Variants in CAPZB observed in about 807,000 individuals in gnomAD.
CAPZB encodes the protein capping actin protein of muscle Z-line subunit beta.
Under a neutral mutation model 38.1 loss-of-function variants are expected in CAPZB, and 2 were observed. That is an observed-to-expected ratio of 0.05 (90% CI 0.02 to 0.17). The LOEUF (loss-of-function observed/expected upper bound fraction) is 0.17. Ranked by LOEUF, CAPZB falls within the 10% of genes least tolerant of loss-of-function variation. The probability of loss-of-function intolerance (pLI) is 1.00; values close to 1 mark genes in which losing one functional copy is unlikely to be tolerated. For missense variants in CAPZB, 161 were observed against 334.2 expected, an observed-to-expected ratio of 0.48 and a Z score of 4.04; for synonymous variants, 107 against 127.4, an observed-to-expected ratio of 0.84 and a Z score of 1.08.
chr1:19,360,925 A>G (rs1310007222), intron 4 of CAPZB, among the ~76,000 whole-genome samples: 2 of 152,210 alleles, frequency 1.3e-5, no homozygotes, highest in Non-Finnish European at 2.9e-5. Context: ...GTTTTTTAAA[A>G]AAGGAAATCT....
intron 4 of CAPZB, among the ~76,000 whole-genome samples, chr1:19,372,614 G>C (rs2094124799): frequency 6.6e-6 from 1 of 152,210 alleles, no homozygotes; most frequent in Non-Finnish European, 1.5e-5. Context: ...CCACTTCTAA[G>C]TCTCTCCCAA....
At chr1:19,445,087 T>C (rs1280274384) in intron 1 of CAPZB, among the ~76,000 whole-genome samples, 1 of 152,144 alleles carries the variant, frequency 6.6e-6, no homozygotes. Flanking sequence ...CACAAAGATA[T>C]CCATTTCAGC....
At chr1:19,399,359 A>G (rs547701885) in intron 2 of CAPZB, among the ~76,000 whole-genome samples, 1 of 152,358 alleles carries the variant, frequency 6.6e-6, no homozygotes, top group African/African-American at 2.4e-5. Flanking sequence ...GAATACGAGT[A>G]CGTCATGTGA....
At chr1:19,363,410 C>T (rs76913939) in intron 4 of CAPZB, among the ~76,000 whole-genome samples, 1,812 of 152,070 alleles carry the variant, frequency 0.012, 34 homozygotes, top group African/African-American at 0.041. Context: ...CAGCTAAAAG[C>T]CTAATGTGTC....
Position 19,392,966 on chromosome 1 carries a change from C to T in CAPZB, c.94-7340G>A, listed in dbSNP as rs79608190. On this transcript the variant is annotated intron_variant, in intron 2 of 8. Transcript: ENST00000264202. The stretch of plus-strand genomic sequence containing the variant: ...ATCCCTTCAGTGGGGCTCCCTTCAC[C>T]GGTCTGTCCAGATGGACACATGGCC... Among the ~76,000 whole-genome samples, 1,504 of 152,264 alleles carry T rather than the reference C, an allele frequency of 9.9e-3. 70 individuals carry two copies. The East Asian group carries it at 0.13, about 14-fold the overall frequency.
intron 1 of CAPZB, among the ~76,000 whole-genome samples, chr1:19,455,951 T>C (rs1040452883): frequency 3.9e-5 from 6 of 152,254 alleles, no homozygotes; most frequent in African/African-American, 1.4e-4. Flanking sequence ...TCTCACTCTG[T>C]TGCCCAGGGT....
chr1:19,466,042 C>T (rs1452126779), intron 1 of CAPZB, among the ~76,000 whole-genome samples: 1 of 152,122 alleles, frequency 6.6e-6, no homozygotes, highest in African/African-American at 2.4e-5. Context: ...AAGATTTAAA[C>T]CCAGGCAGTC....
intron 4 of CAPZB, among the ~76,000 whole-genome samples, chr1:19,376,987 C>T (rs982157137): frequency 7.2e-5 from 11 of 152,114 alleles, no homozygotes; most frequent in South Asian, 2.1e-4. Flanking sequence ...TTGTGAAGAC[C>T]GAATGAGACA....
At chr1:19,369,975 C>T (rs1194630177) in intron 4 of CAPZB, among the ~76,000 whole-genome samples, 1 of 152,202 alleles carries the variant, frequency 6.6e-6, no homozygotes, top group African/African-American at 2.4e-5. Context: ...GCTGTCAGGC[C>T]CTTCCTGCTC....
chr1:19,433,324 G>A (rs1449609725), intron 1 of CAPZB, among the ~76,000 whole-genome samples: 1 of 152,216 alleles, frequency 6.6e-6, no homozygotes, highest in Non-Finnish European at 1.5e-5. Flanking sequence ...GTAAAGCAGG[G>A]TGCTCCTGTC....
At chr1:19,458,475 C>T (rs2094540214) in intron 1 of CAPZB, among the ~76,000 whole-genome samples, 1 of 152,204 alleles carries the variant, frequency 6.6e-6, no homozygotes, top group South Asian at 2.1e-4. Context: ...CTGCCTCAGC[C>T]TCCCAAGTAG....
chr1:19,407,055 T>C (rs550000397), intron 2 of CAPZB, among the ~76,000 whole-genome samples: 2 of 152,204 alleles, frequency 1.3e-5, no homozygotes, highest in Non-Finnish European at 2.9e-5. Context: ...TAACCAAGCA[T>C]TTCAGGCATC....
At chr1:19,419,885 G>A (rs1050879657) in intron 1 of CAPZB, 135 bp from the exon 2 acceptor site, 5 of 606,974 alleles carry the variant, frequency 8.2e-6, no homozygotes, top group Non-Finnish European at 1.2e-5. Flanking sequence ...CCAGGTCTCT[G>A]TGTGCCAGCA....
chr1:19,377,799 T>C (rs777091348), intron 4 of CAPZB, among the ~76,000 whole-genome samples: 72 of 152,322 alleles, frequency 4.7e-4, no homozygotes, highest in Non-Finnish European at 8.7e-4. Context: ...TTAAGTGACA[T>C]GTTGGTGCTG....
chr1:19,435,793 A>C (rs1242024564), intron 1 of CAPZB, among the ~76,000 whole-genome samples: 1 of 152,050 alleles, frequency 6.6e-6, no homozygotes, highest in African/African-American at 2.4e-5. Context: ...CCTACTCAAT[A>C]CTCCACAGAG....
At chr1:19,348,292 AAGG>A (rs895866972) in intron 6 of CAPZB, among the ~76,000 whole-genome samples, 1 of 151,866 alleles carries the variant, frequency 6.6e-6, no homozygotes, top group Non-Finnish European at 1.5e-5. Flanking sequence ...TTTAAAAGAC[AAGG>A]AGGTCTTGCT....
intron 1 of CAPZB, among the ~76,000 whole-genome samples, chr1:19,454,562 C>G (rs886839013): frequency 2.6e-5 from 4 of 152,170 alleles, no homozygotes; most frequent in Non-Finnish European, 5.9e-5. Context: ...CTGAGTCACA[C>G]ACGATCATCC....
chr1:19,373,577 A>C (rs2094130123), intron 4 of CAPZB, among the ~76,000 whole-genome samples: 1 of 152,182 alleles, frequency 6.6e-6, no homozygotes, highest in African/African-American at 2.4e-5. Flanking sequence ...AAGTTCTGCT[A>C]TCTGAGGAGG....
At chr1:19,379,651 C>T (rs1017886297) in intron 3 of CAPZB, among the ~76,000 whole-genome samples, 2 of 152,176 alleles carry the variant, frequency 1.3e-5, no homozygotes, top group South Asian at 4.1e-4. Context: ...ATGAAGACTG[C>T]TAAGTAATGA....
Sources: gnomAD v4.1 joint callset for allele counts (sites outside exome capture counted in the v4.1 genomes callset) on GRCh38, gnomAD v4.1.1 for gene constraint, MANE v1.5 for transcripts, NCBI Gene and HGNC (gene_info 2026-07-23, HGNC 2026-07-21) for gene names.